CYP20A1: variants seen among roughly 807,000 people sequenced by gnomAD.
CYP20A1 encodes cytochrome P450 family 20 subfamily A member 1, also known as cytochrome P450 20A1.
A neutral mutation model predicts 61.4 loss-of-function variants in CYP20A1; 61 were observed. The observed-to-expected ratio is 0.99, with a 90% CI of 0.81 to 1.23. The LOEUF (loss-of-function observed/expected upper bound fraction) is 1.23. Ranked by LOEUF, CYP20A1 falls within the 50% of genes most tolerant of loss-of-function variation. The probability of loss-of-function intolerance (pLI) is 0.00; values close to 1 mark genes in which losing one functional copy is unlikely to be tolerated. For synonymous variants in CYP20A1, 193 were observed against 188.2 expected, an observed-to-expected ratio of 1.03 and a Z score of -0.21; for missense variants, 530 against 542.4, an observed-to-expected ratio of 0.98 and a Z score of 0.23.
In CYP20A1 at chr2:203,246,724, A is replaced by G. The variant is rs770412261; in HGVS notation, c.123-31A>G. 1.4e-5 allele frequency: 23 copies of G among 1,597,644 alleles called. No homozygotes were observed. The Admixed American group carries it at 4.0e-4, about 28-fold the overall frequency. ...TTTCTCATTTTTCCAAATTAAATTG[A>G]TTATTTTGTCAAATGTTGCTCTTTT... On this transcript the variant is annotated intron_variant, in intron 2 of 12. Coordinates refer to ENST00000356079, the MANE Select transcript of CYP20A1 (RefSeq NM_177538.3).
At chr2:203,293,031 G>T (rs2068607093) in intron 11 of CYP20A1, among the ~76,000 whole-genome samples, 1 of 151,236 alleles carries the variant, frequency 6.6e-6, no homozygotes, top group Non-Finnish European at 1.5e-5. Flanking sequence ...AAAATTAGCT[G>T]GGCATGGTGG....
chr2:203,244,124 C>T (rs1055310069), intron 1 of CYP20A1, among the ~76,000 whole-genome samples: 4 of 151,058 alleles, frequency 2.6e-5, no homozygotes, highest in East Asian at 1.9e-4. Context: ...TAAATGCCCC[C>T]GCCCCCCGTC....
intron 6 of CYP20A1, among the ~76,000 whole-genome samples, chr2:203,273,299 G>A (rs2152085572): frequency 6.6e-6 from 1 of 152,280 alleles, no homozygotes; most frequent in Admixed American, 6.5e-5. Flanking sequence ...AGGATTAATG[G>A]AAAGTATAAG....
chr2:203,264,753 G>C (rs564002376), intron 4 of CYP20A1, among the ~76,000 whole-genome samples: 7 of 151,528 alleles, frequency 4.6e-5, no homozygotes, highest in African/African-American at 1.7e-4. Flanking sequence ...TTTTTTAGAC[G>C]GAGTCTCACT....
chr2:203,297,124 ACTTT>A lies in CYP20A1; in HGVS notation c.*217_*220del, dbSNP rs1370410883. ...AGTATATTGATCATTTTAATGGGAA[ACTTT>A]AGCTTTCTACTTTTTATTTTTGTTT... On this transcript the variant is annotated 3_prime_UTR_variant, in exon 13 of 13. Transcript: ENST00000356079. The A allele has an allele frequency of 6.7e-6, 2 of 297,162 alleles. No homozygotes were observed. The highest frequency in any genetic ancestry group is 4.9e-5 in the Admixed American group (1 of 20,616). 18.4% of individuals were successfully genotyped at this position (297,162 alleles called of 1,614,324 possible).
chr2:203,268,038 C>G (rs959758930), intron 5 of CYP20A1, among the ~76,000 whole-genome samples: 1 of 152,090 alleles, frequency 6.6e-6, no homozygotes, highest in African/African-American at 2.4e-5. Flanking sequence ...ATATCCTTCA[C>G]CCAGGTTCAG....
chr2:203,289,643 A>G (rs1360374509), intron 9 of CYP20A1, 122 bp from the exon 10 acceptor site: 1 of 446,286 alleles, frequency 2.2e-6, no homozygotes, highest in Non-Finnish European at 4.1e-6. Flanking sequence ...GATAAGAATT[A>G]TGATGGGACT....
At chr2:203,258,745 C>T (rs765469945) in intron 4 of CYP20A1, among the ~76,000 whole-genome samples, 6 of 152,136 alleles carry the variant, frequency 3.9e-5, no homozygotes, top group Non-Finnish European at 4.4e-5. Context: ...GTTGTACATA[C>T]GTCGTGTTCT....
intron 5 of CYP20A1, among the ~76,000 whole-genome samples, chr2:203,271,646 T>A (rs2067603369): frequency 6.6e-6 from 1 of 152,188 alleles, no homozygotes; most frequent in African/African-American, 2.4e-5. Context: ...ACTTTTAACC[T>A]TTTTCTTTAC....
intron 3 of CYP20A1, 55 bp downstream of exon 3, chr2:203,246,976 T>G: frequency 1.9e-6 from 3 of 1,573,004 alleles, no homozygotes; most frequent in Non-Finnish European, 2.6e-6. Flanking sequence ...GAATGAATGT[T>G]TAGGCTGGGC....
intron 8 of CYP20A1, among the ~76,000 whole-genome samples, chr2:203,283,113 C>A (rs1270442521): frequency 1.3e-5 from 2 of 151,440 alleles, no homozygotes; most frequent in East Asian, 3.9e-4. Flanking sequence ...AGATCAAGGC[C>A]TCAAGTGAGC....
In CYP20A1 at chr2:203,299,828, C is replaced by G. The variant is rs754305369; in HGVS notation, c.*2920C>G. Reference sequence around the variant, plus strand: ...GGCAGAGGTTGCGGTGAGCCAAGATCGCGCCATTGCACTCCAGCCTGGGCA... The same window carrying G: ...GGCAGAGGTTGCGGTGAGCCAAGATGGCGCCATTGCACTCCAGCCTGGGCA... On this transcript the variant is annotated 3_prime_UTR_variant, in exon 13 of 13. Transcript: ENST00000356079. Among the ~76,000 whole-genome samples, 2 of 151,846 alleles carry G rather than the reference C, an allele frequency of 1.3e-5. No individual in the cohort carries two copies. Among genetic ancestry groups the G allele is most frequent in the Non-Finnish European group, 2.9e-5 (2 of 67,980 alleles).
intron 6 of CYP20A1, among the ~76,000 whole-genome samples, chr2:203,274,387 T>C (rs1466369469): frequency 1.3e-5 from 2 of 152,064 alleles, no homozygotes; most frequent in African/African-American, 4.8e-5. Flanking sequence ...GGTTTCGCCA[T>C]GTTGGCCAGA....
chr2:203,250,289 A>G (rs995459770), intron 3 of CYP20A1, among the ~76,000 whole-genome samples: 5 of 152,246 alleles, frequency 3.3e-5, no homozygotes, highest in Admixed American at 2.6e-4. Flanking sequence ...CAATTATGAT[A>G]TCTCAGCACT....
chr2:203,248,403 G>A (rs1474618958), intron 3 of CYP20A1, among the ~76,000 whole-genome samples: 1 of 151,956 alleles, frequency 6.6e-6, no homozygotes, highest in Non-Finnish European at 1.5e-5. Context: ...GCCTGGTGAT[G>A]TGCGCCTGTA....
At chr2:203,240,718 G>A (rs1417075998) in intron 1 of CYP20A1, among the ~76,000 whole-genome samples, 1 of 152,148 alleles carries the variant, frequency 6.6e-6, no homozygotes, top group Non-Finnish European at 1.5e-5. Context: ...GGAAAGCAAG[G>A]GGACCAGTGT....
In CYP20A1 at chr2:203,285,597, T is replaced by C. The variant is rs924947216; in HGVS notation, c.851-15T>C. On this transcript the variant is annotated splice_polypyrimidine_tract_variant and intron_variant, in intron 8 of 12. Coordinates refer to ENST00000356079, the MANE Select transcript of CYP20A1 (RefSeq NM_177538.3). ...TTAGCTATTTTCATTGTTATTCATA[T>C]AATGTTTGACCTAGTGTGTACCTGG... 7 of 1,547,434 alleles carry C rather than the reference T, an allele frequency of 4.5e-6. No individual in the cohort carries two copies. Among genetic ancestry groups the C allele is most frequent in the African/African-American group, 1.4e-5 (1 of 71,774 alleles).
At chr2:203,280,593 C>T (rs917925507) in intron 8 of CYP20A1, among the ~76,000 whole-genome samples, 2 of 152,088 alleles carry the variant, frequency 1.3e-5, no homozygotes, top group Non-Finnish European at 1.5e-5. Flanking sequence ...TGCAGCCACT[C>T]GGGAAGCTGA....
In CYP20A1 at chr2:203,247,011, AAC is replaced by A. The variant is rs1446173841; in HGVS notation, c.289+93_289+94del. On this transcript the variant is annotated intron_variant, in intron 3 of 12. Coordinates refer to ENST00000356079, the MANE Select transcript of CYP20A1 (RefSeq NM_177538.3). The stretch of plus-strand genomic sequence containing the variant: ...CACGGTGGCTCACACCTGTAATCCC[AAC>A]ACTTTGGGAGGCTGAGGCAGGTGGA... 1.4e-5 allele frequency: 19 copies of A among 1,316,126 alleles called. No individual in the cohort carries two copies. The Admixed American group carries it at 4.0e-4, about 28-fold the overall frequency. 81.5% of individuals were successfully genotyped at this position (1,316,126 alleles called of 1,614,324 possible).
Sources: allele counts gnomAD v4.1 joint callset (sites outside exome capture counted in the v4.1 genomes callset), GRCh38; gene constraint gnomAD v4.1.1; transcripts MANE v1.5; gene names NCBI Gene and HGNC (gene_info 2026-07-23, HGNC 2026-07-21).